P4HA1: variants seen among roughly 807,000 people sequenced by gnomAD.
The protein encoded by P4HA1 is prolyl 4-hydroxylase subunit alpha-1.
P4HA1 carries 24 observed loss-of-function variants against 72.8 expected under a neutral mutation model. The ratio of observed to expected loss-of-function variants is 0.33; its 90% confidence interval spans 0.24 to 0.46. The LOEUF (loss-of-function observed/expected upper bound fraction) is 0.46, where lower values mean the gene tolerates loss of function less well. Among genes scored for constraint, P4HA1 ranks in the 20% least tolerant of loss-of-function variants. P4HA1 has a pLI of 1.00. For synonymous variants in P4HA1, 201 were observed against 218.8 expected (o/e 0.92, Z 0.72); for missense variants, 446 against 640.6 (o/e 0.70, Z 3.28).
chr10:73,095,329 T>C (rs187077458), intron 1 of P4HA1, among the ~76,000 whole-genome samples: 10 of 151,444 alleles, frequency 6.6e-5, no homozygotes, highest in Admixed American at 6.6e-4. Context: ...TTCTTGAATA[T>C]ATCGTCTTAG....
intron 1 of P4HA1, among the ~76,000 whole-genome samples, chr10:73,083,786 T>A (rs960461858): frequency 1.4e-4 from 22 of 152,064 alleles, no homozygotes; most frequent in Admixed American, 1.2e-3. Context: ...TGGAACTTGG[T>A]CTCAAAAAAA....
intron 9 of P4HA1, among the ~76,000 whole-genome samples, chr10:73,044,553 G>A (rs865808131): frequency 2.0e-5 from 3 of 152,206 alleles, no homozygotes; most frequent in South Asian, 4.1e-4. Context: ...AAATGCCAAC[G>A]TAATCACCAT....
intron 1 of P4HA1, among the ~76,000 whole-genome samples, chr10:73,092,378 C>A: frequency 9.1e-6 from 1 of 109,302 alleles, no homozygotes; most frequent in African/African-American, 3.7e-5. Flanking sequence ...GAGACAGGGT[C>A]TTGCACTCTC....
chr10:73,083,645 T>C (rs1473113267), intron 1 of P4HA1, among the ~76,000 whole-genome samples: 1 of 152,208 alleles, frequency 6.6e-6, no homozygotes, highest in East Asian at 1.9e-4. Flanking sequence ...TGACCCCTTT[T>C]ACCTTTTTCT....
intron 7 of P4HA1, among the ~76,000 whole-genome samples, chr10:73,049,189 T>A (rs1368859658): frequency 6.6e-6 from 1 of 152,170 alleles, no homozygotes; most frequent in African/African-American, 2.4e-5. Context: ...CTCAAGCATG[T>A]CCTCCTAGGA....
In P4HA1 at chr10:73,010,950, A is replaced by C. The variant is rs1839899248; in HGVS notation, c.1437+19T>G. Reference sequence around the variant, plus strand: ...TAGGGAAAAAATTAATAAACCAAAAACAAAACAAACAGGCTTACTTTTTTG... The same window carrying C: ...TAGGGAAAAAATTAATAAACCAAAACCAAAACAAACAGGCTTACTTTTTTG... On this transcript the variant is annotated intron_variant, in intron 13 of 14. Transcript: ENST00000394890. 6.2e-7 allele frequency: 1 copy of C among 1,601,528 alleles called. No individual in the cohort carries two copies. Among genetic ancestry groups the C allele is most frequent in the South Asian group, 1.1e-5 (1 of 90,338 alleles).
intron 10 of P4HA1, among the ~76,000 whole-genome samples, chr10:73,029,642 G>GT (rs770544011): frequency 2.4e-3 from 350 of 145,908 alleles, no homozygotes; most frequent in South Asian, 6.4e-3. Flanking sequence ...CCTATGCTTA[G>GT]TTTTTTTTTT....
At chr10:73,089,997 T>C (rs944520909) in intron 1 of P4HA1, among the ~76,000 whole-genome samples, 2 of 152,046 alleles carry the variant, frequency 1.3e-5, no homozygotes, top group Admixed American at 6.6e-5. Flanking sequence ...ACACCACACC[T>C]GGCTTTTTAA....
chr10:73,079,069 C>T (rs186016825), intron 1 of P4HA1, among the ~76,000 whole-genome samples: 379 of 152,282 alleles, frequency 2.5e-3, no homozygotes, highest in African/African-American at 8.7e-3. Flanking sequence ...TACTCTCTAA[C>T]AAAAGAGTAG....
intron 9 of P4HA1, among the ~76,000 whole-genome samples, chr10:73,040,885 AAC>A (rs1219977823): frequency 6.6e-6 from 1 of 152,130 alleles, no homozygotes; most frequent in Admixed American, 6.5e-5. Context: ...AAAATCTGTT[AAC>A]AGTTTAATTT....
At chr10:73,040,713 C>T (rs539092266) in intron 9 of P4HA1, among the ~76,000 whole-genome samples, 3 of 152,022 alleles carry the variant, frequency 2.0e-5, no homozygotes, top group East Asian at 3.9e-4. Context: ...ACCTTGTGAT[C>T]CACCCACCTT....
At chr10:73,058,774 CTTTT>C (rs151028824) in intron 5 of P4HA1, among the ~76,000 whole-genome samples, 38 of 123,818 alleles carry the variant, frequency 3.1e-4, no homozygotes, top group African/African-American at 9.9e-4. Flanking sequence ...TTATAGTATG[CTTTT>C]TTTTTTTTTT....
intron 10 of P4HA1, among the ~76,000 whole-genome samples, chr10:73,019,196 T>C (rs1046761876): frequency 2.6e-5 from 4 of 152,170 alleles, no homozygotes; most frequent in Non-Finnish European, 5.9e-5. Flanking sequence ...CACCCACAGT[T>C]ATTCTGACAA....
At chr10:73,065,530 C>G (rs1300234863) in intron 5 of P4HA1, 1 of 152,078 alleles carries the variant, frequency 6.6e-6, no homozygotes, top group Non-Finnish European at 1.5e-5. Flanking sequence ...ATACATGCAT[C>G]CTTCCTCCCT....
chr10:73,076,818 C>CT (rs1253665957), intron 1 of P4HA1, among the ~76,000 whole-genome samples: 1 of 152,138 alleles, frequency 6.6e-6, no homozygotes, highest in Non-Finnish European at 1.5e-5. Flanking sequence ...ACCTGTTTCT[C>CT]TTTGTGCAGG....
At chr10:73,040,577 G>C (rs1840708414) in intron 9 of P4HA1, among the ~76,000 whole-genome samples, 1 of 150,566 alleles carries the variant, frequency 6.6e-6, no homozygotes. Flanking sequence ...CCGGGTTCAA[G>C]CCATTCTCCT....
At chr10:73,055,080 GA>G (rs945270533) in intron 5 of P4HA1, among the ~76,000 whole-genome samples, 2 of 152,116 alleles carry the variant, frequency 1.3e-5, no homozygotes, top group African/African-American at 4.8e-5. Context: ...AAAATTTTTA[GA>G]AATTAGCCAG....
At chr10:73,070,874 G>A (rs1841542514) in intron 4 of P4HA1, among the ~76,000 whole-genome samples, 1 of 151,866 alleles carries the variant, frequency 6.6e-6, no homozygotes, top group African/African-American at 2.4e-5. Flanking sequence ...TAAATATATC[G>A]ATTTCCTTTA....
At chr10:73,073,910 T>C (rs1398566692) in intron 2 of P4HA1, 83 bp from the exon 3 acceptor site, 6 of 748,352 alleles carry the variant, frequency 8.0e-6, no homozygotes, top group Non-Finnish European at 1.5e-5. Flanking sequence ...ACTGTTTCAT[T>C]CTATGAGACA....
Sources: gnomAD v4.1 joint callset for allele counts (sites outside exome capture counted in the v4.1 genomes callset) on GRCh38, gnomAD v4.1.1 for gene constraint, MANE v1.5 for transcripts, NCBI Gene and HGNC (gene_info 2026-07-23, HGNC 2026-07-21) for gene names.